ZNF608: variants seen among roughly 807,000 people sequenced by gnomAD.
ZNF608 encodes the protein zinc finger protein 608.
Under a neutral mutation model 109.0 loss-of-function variants are expected in ZNF608, and 12 were observed. The observed-to-expected ratio is 0.11, with a 90% CI of 0.07 to 0.18. ZNF608 has a LOEUF of 0.18. ZNF608 is among the 10% of genes least tolerant of loss of function. The probability of loss-of-function intolerance (pLI) is 1.00; values close to 1 mark genes in which losing one functional copy is unlikely to be tolerated. For synonymous variants in ZNF608, 732 were observed against 717.4 expected, an observed-to-expected ratio of 1.02 and a Z score of -0.33; for missense variants, 1,707 against 1,879.3, an observed-to-expected ratio of 0.91 and a Z score of 1.70.
At chr5:124,675,328 GGA>G (rs371166546) in intron 3 of ZNF608, among the ~76,000 whole-genome samples, 2 of 152,292 alleles carry the variant, frequency 1.3e-5, no homozygotes, top group East Asian at 3.9e-4. Flanking sequence ...AAGCTGACTT[GGA>G]GATCATGGAT....
rs1750611601 is a variant in ZNF608 at position 124,648,052 on chromosome 5, C to T, written c.2332G>A (p.Ala778Thr). The change falls in exon 5 of 10, where the codon GCT (alanine) becomes ACT (threonine). Residue 778 changes from alanine (A) to threonine (T), a missense_variant. This residue lies in a region of ZNF608 where 1,073 missense variants were observed against 1,133.5 expected (regional missense o/e 0.95). Coordinates refer to ENST00000513986, the MANE Select transcript of ZNF608 (RefSeq NM_020747.3). The part of the protein sequence containing the change: ...LPSLTTTVVQ[A>T]TPKSPPLKPI... ...TTTAACGGAGGACTCTTTGGTGTAG[C>T]CTGAACAACAGTTGTTGTGAGGGAG... is the stretch of plus-strand genomic sequence containing the variant. The T allele has an allele frequency of 6.2e-7, 1 of 1,614,088 alleles. No individual in the cohort carries two copies. The highest frequency in any genetic ancestry group is 1.1e-5 in the South Asian group (1 of 91,082).
At chr5:124,655,755 T>G (rs1208994241) in intron 3 of ZNF608, among the ~76,000 whole-genome samples, 1 of 152,242 alleles carries the variant, frequency 6.6e-6, no homozygotes, top group Non-Finnish European at 1.5e-5. Flanking sequence ...CCCCCCATTA[T>G]TATGTTGTCG....
In ZNF608 at chr5:124,744,277, A is replaced by G. The variant is rs766560156; in HGVS notation, c.713T>C (p.Phe238Ser). 2 of 1,613,684 alleles carry G rather than the reference A, an allele frequency of 1.2e-6. No homozygotes were observed. Among genetic ancestry groups the G allele is most frequent in the Non-Finnish European group, 1.7e-6 (2 of 1,179,878 alleles). ...GCCACCTCCATTGCTCTTGGCCCCA[A>G]AGCCATAGAGGTGCCCCCCGGAAGG... Reference protein sequence around the residue: ...QAPSGGHLYGFGAKSNGGGAS... With the variant: ...QAPSGGHLYGSGAKSNGGGAS... Residue 238 changes from phenylalanine to serine, a missense_variant, in exon 2 of 10, where the codon TTT (phenylalanine) becomes TCT (serine). By Grantham distance (155) the Phe-to-Ser change is radical. Around this residue, in one of 7 missense-constraint regions of ZNF608, gnomAD observed 407 missense variants for 398.7 expected, o/e 1.02. Transcript: ENST00000513986. The surrounding 1 kb of genome is among the most constrained non-coding windows in gnomAD (Gnocchi z 4.5).
rs374453730 is a variant in ZNF608, at chr5:124,647,054, C to T, written c.3330G>A (p.Glu1110=). The T allele has an allele frequency of 6.2e-7, 1 of 1,613,814 alleles. No individual in the cohort carries two copies. The highest frequency in any genetic ancestry group is 1.3e-5 in the African/African-American group (1 of 74,894). Residue 1110 remains glutamate, a synonymous_variant, in exon 5 of 10, where the codon GAG becomes GAA. Coordinates refer to ENST00000513986, the MANE Select transcript of ZNF608 (RefSeq NM_020747.3). ...TTTTCTGCTCTGCCAGCCTCTGGTC[C>T]TCATAGTACTTCTCATACTGCTGTC... ...AYRQQYEKYY[E]DQRLAEQKMA...
chr5:124,649,797 C>A, intron 3 of ZNF608, 100 bp from the exon 4 acceptor site: 1 of 709,964 alleles, frequency 1.4e-6, no homozygotes, highest in South Asian at 2.4e-5. Context: ...CCAGCAAGTT[C>A]TATTCTCATT....
chr5:124,663,274 T>C (rs372491481), intron 3 of ZNF608, among the ~76,000 whole-genome samples: 1 of 152,152 alleles, frequency 6.6e-6, no homozygotes, highest in African/African-American at 2.4e-5. Context: ...CAGCCCATTA[T>C]CTCTTCTTAC....
intron 3 of ZNF608, among the ~76,000 whole-genome samples, chr5:124,657,219 C>T (rs1037431577): frequency 2.6e-5 from 4 of 152,126 alleles, no homozygotes; most frequent in African/African-American, 9.7e-5. Flanking sequence ...AAGGCACCAC[C>T]GGTAACACTA....
At chr5:124,702,051 G>T (rs1753074265) in intron 2 of ZNF608, among the ~76,000 whole-genome samples, 1 of 152,168 alleles carries the variant, frequency 6.6e-6, no homozygotes, top group African/African-American at 2.4e-5. Flanking sequence ...ACAAGATCTT[G>T]TGGTGCAATG....
rs973135098 is a variant in ZNF608, at chr5:124,648,482, A to G, written c.1902T>C (p.Pro634=). 6.2e-7 allele frequency: 1 copy of G among 1,614,042 alleles called. No individual in the cohort carries two copies. Among genetic ancestry groups the G allele is most frequent in the African/African-American group, 1.3e-5 (1 of 74,904 alleles). ...APASPGAGNP[P]GTPKGKRELM... ...GCTCTCTCTTTCCCTTTGGGGTCCC[A>G]GGTGGGTTTCCAGCACCAGGGGATG... is the stretch of plus-strand genomic sequence containing the variant. Residue 634 remains proline, a synonymous_variant, in exon 5 of 10, where the codon CCT becomes CCC. Coordinates refer to ENST00000513986, the MANE Select transcript of ZNF608 (RefSeq NM_020747.3).
chr5:124,742,269 G>A (rs1749444403), intron 2 of ZNF608, among the ~76,000 whole-genome samples: 4 of 152,190 alleles, frequency 2.6e-5, no homozygotes, highest in Admixed American at 6.5e-5. Context: ...ATACTGAAAT[G>A]TTCCGATTGC....
At chr5:124,639,111 T>C (rs200792204) in intron 9 of ZNF608, 22 bp downstream of exon 9, 3 of 1,608,372 alleles carry the variant, frequency 1.9e-6, no homozygotes, top group Non-Finnish European at 2.6e-6. Context: ...TACAACTAAT[T>C]AAAAATGTAG....
chr5:124,746,093 C>T, intron 1 of ZNF608, 102 bp downstream of exon 1: 1 of 981,676 alleles, frequency 1.0e-6, no homozygotes, highest in Non-Finnish European at 1.2e-6. Flanking sequence ...GCAGTTAAAA[C>T]GGTTTTTAAA....
intron 2 of ZNF608, among the ~76,000 whole-genome samples, chr5:124,710,980 G>A (rs1003450133): frequency 2.6e-5 from 4 of 152,198 alleles, no homozygotes; most frequent in Admixed American, 2.0e-4. Context: ...TTTCTCATCT[G>A]ATTGTGTAAA....
intron 3 of ZNF608, among the ~76,000 whole-genome samples, chr5:124,661,585 C>T (rs1304164589): frequency 1.3e-5 from 2 of 152,182 alleles, no homozygotes; most frequent in South Asian, 2.1e-4. Flanking sequence ...ACTAATAGTG[C>T]TCTCCTCCAG....
intron 3 of ZNF608, among the ~76,000 whole-genome samples, chr5:124,672,648 G>A (rs1207058996): frequency 1.3e-5 from 2 of 152,158 alleles, no homozygotes; most frequent in East Asian, 3.8e-4. Context: ...TTTTGATTCA[G>A]ACACTCATCT....
In ZNF608 at chr5:124,644,610, C is replaced by G. The variant is rs1176746533; in HGVS notation, c.3757G>C (p.Asp1253His). The change falls in exon 6 of 10, where the codon GAT (aspartate) becomes CAT (histidine). Residue 1253 changes from aspartate to histidine, a missense_variant. Coordinates refer to ENST00000513986, the MANE Select transcript of ZNF608 (RefSeq NM_020747.3). ...HHYVYQPKYL[D>H]QQKSEELDRE... ...TCAAGTTCTTCTGACTTTTGCTGAT[C>G]CAGATATTTGGGCTGGTATACATAA... 6.2e-7 allele frequency: 1 copy of G among 1,610,520 alleles called. No individual in the cohort carries two copies. The highest frequency in any genetic ancestry group is 1.7e-4 in the Middle Eastern group (1 of 6,036).
intron 2 of ZNF608, among the ~76,000 whole-genome samples, chr5:124,739,947 G>GA (rs1292980345): frequency 6.6e-6 from 1 of 152,068 alleles, no homozygotes; most frequent in Non-Finnish European, 1.5e-5. Context: ...TGCTGCTTAG[G>GA]AAAAATAAGT....
Position 124,744,052 on chromosome 5 carries a change from G to A in ZNF608, c.906+32C>T, listed in dbSNP as rs1749534542. The A allele has an allele frequency of 1.3e-6, 2 of 1,555,244 alleles. No homozygotes were observed. The highest frequency in any genetic ancestry group is 1.4e-5 in the African/African-American group (1 of 73,444). On this transcript the variant is annotated intron_variant, in intron 2 of 9. Coordinates refer to ENST00000513986, the MANE Select transcript of ZNF608 (RefSeq NM_020747.3). This position sits in a 1 kb window ranked among gnomAD's most constrained non-coding sequence, Gnocchi z 4.5. ...CCCACACAAATGCACACAGAGGAGAGTAGGACATCTAGGAAGGCGACTTTA... is the reference window on the plus strand; with the variant it reads ...CCCACACAAATGCACACAGAGGAGAATAGGACATCTAGGAAGGCGACTTTA...
At chr5:124,726,662 TAAAAAA>T (rs142658513) in intron 2 of ZNF608, among the ~76,000 whole-genome samples, 5 of 135,564 alleles carry the variant, frequency 3.7e-5, no homozygotes, top group Admixed American at 2.2e-4. Context: ...AAGATTTGTT[TAAAAAA>T]AAAAAAAAAA....
Sources: gnomAD v4.1 joint callset for allele counts (sites outside exome capture counted in the v4.1 genomes callset) on GRCh38, gnomAD v4.1.1 for gene constraint, gnomAD v4.1.1 regional missense constraint, Gnocchi (gnomAD v3.1) non-coding constraint, MANE v1.5 for transcripts, NCBI Gene and HGNC (gene_info 2026-07-23, HGNC 2026-07-21) for gene names.